HECA: variants seen among roughly 807,000 people sequenced by gnomAD.
HECA encodes HECA ribonucleoprotein granule regulator, also known as headcase protein homolog.
Under a neutral mutation model 37.6 loss-of-function variants are expected in HECA, and 13 were observed. The observed-to-expected ratio is 0.35, with a 90% CI of 0.23 to 0.55. The LOEUF is 0.55. Ranked by LOEUF, HECA falls within the 20% of genes least tolerant of loss-of-function variation. The pLI, the probability that HECA is intolerant of heterozygous loss-of-function variation, is 0.90. For synonymous variants in HECA, 307 were observed against 291.5 expected (o/e 1.05, Z -0.54); for missense variants, 527 against 701.9 (o/e 0.75, Z 2.82).
intron 1 of HECA, chr6:139,155,682 A>G (rs1774702642): frequency 6.6e-6 from 1 of 152,198 alleles, no homozygotes; most frequent in Non-Finnish European, 1.5e-5. Flanking sequence ...CATTTCCTTC[A>G]GAGCATATTA....
In HECA at chr6:139,135,788, G is replaced by A. The variant is rs1002986894; in HGVS notation, c.271+121G>A. 23 of 293,400 alleles carry A rather than the reference G, an allele frequency of 7.8e-5. No individual in the cohort carries two copies. In the East Asian group the frequency reaches 3.7e-3, roughly 47 times the overall value. 18.2% of individuals were successfully genotyped at this position (293,400 alleles called of 1,614,324 possible). A position where few individuals can be genotyped will look rare whatever the true frequency, so the allele number is the denominator to read the frequency against. ...GCGAGAGTCAGGAAGTGCTCACCCCGCCCCTCCGCCCCGCCGCGGCTGCCC... is the reference window on the plus strand; with the variant it reads ...GCGAGAGTCAGGAAGTGCTCACCCCACCCCTCCGCCCCGCCGCGGCTGCCC... On this transcript the variant is annotated intron_variant, in intron 1 of 3. Coordinates refer to ENST00000367658, the MANE Select transcript of HECA (RefSeq NM_016217.3).
intron 1 of HECA, among the ~76,000 whole-genome samples, chr6:139,161,673 A>G (rs1384558795): frequency 6.6e-6 from 1 of 152,214 alleles, no homozygotes; most frequent in East Asian, 1.9e-4. Flanking sequence ...AAGAAATATC[A>G]AGTCAGTCTC....
At chr6:139,169,495 CAG>C (rs1305933057) in intron 2 of HECA, 1 of 152,190 alleles carries the variant, frequency 6.6e-6, no homozygotes, top group Non-Finnish European at 1.5e-5. Context: ...GCTGAAATTG[CAG>C]AGAGTAGTCT....
chr6:139,153,702 A>C (rs1774680472), intron 1 of HECA, among the ~76,000 whole-genome samples: 3 of 152,086 alleles, frequency 2.0e-5, no homozygotes, highest in Admixed American at 1.3e-4. Context: ...TACAGGTGGG[A>C]GCCACCGCAC....
At position 139,172,279 on chromosome 6, in the gene HECA, T is replaced by A. The variant is rs550230166; in HGVS notation, c.1313-2106T>A. Among the ~76,000 whole-genome samples the A allele has an allele frequency of 1.4e-3, 213 of 152,324 alleles. 7 individuals carry two copies. In the South Asian group the frequency reaches 0.042, roughly 30 times the overall value. On this transcript the variant is annotated intron_variant, in intron 2 of 3. Coordinates refer to ENST00000367658, the MANE Select transcript of HECA (RefSeq NM_016217.3). Reference sequence around the variant, plus strand: ...GTGCCTAGCCTGATCATGTGTTTTTTAAAGCATTTTCAACTCCAATAGAAG... The same window carrying A: ...GTGCCTAGCCTGATCATGTGTTTTTAAAAGCATTTTCAACTCCAATAGAAG...
Position 139,176,839 on chromosome 6 carries a change from T to C in HECA, c.1468-102T>C, listed in dbSNP as rs1775058378. 1 of 711,106 alleles carries C rather than the reference T, an allele frequency of 1.4e-6. No individual in the cohort carries two copies. Among genetic ancestry groups the C allele is most frequent in the Non-Finnish European group, 2.5e-6 (1 of 407,462 alleles). 44.0% of individuals were successfully genotyped at this position (711,106 alleles called of 1,614,324 possible). ...GTTTTTGGTAGTAAAAGGGATGCTT[T>C]GCAAAGCCCTTGATCAGTTTCCCAG... On this transcript the variant is annotated intron_variant, in intron 3 of 3. Coordinates refer to ENST00000367658, the MANE Select transcript of HECA (RefSeq NM_016217.3). This position sits in a 1 kb window ranked among gnomAD's most constrained non-coding sequence, Gnocchi z 4.5.
At chr6:139,163,010 C>T (rs1368139560) in intron 1 of HECA, among the ~76,000 whole-genome samples, 8 of 152,224 alleles carry the variant, frequency 5.3e-5, no homozygotes, top group Non-Finnish European at 1.0e-4. Flanking sequence ...CTTTTCACCT[C>T]ACTGTCTACC....
At chr6:139,153,885 G>C (rs1370058880) in intron 1 of HECA, among the ~76,000 whole-genome samples, 2 of 151,860 alleles carry the variant, frequency 1.3e-5, no homozygotes, top group Non-Finnish European at 2.9e-5. Flanking sequence ...TTTTTATTAA[G>C]ATGGACTTCT....
intron 1 of HECA, among the ~76,000 whole-genome samples, chr6:139,149,856 C>T (rs1774630786): frequency 6.6e-6 from 1 of 152,150 alleles, no homozygotes; most frequent in South Asian, 2.1e-4. Context: ...GCATAGCTGA[C>T]TTTGGGATTC....
Position 139,161,573 on chromosome 6 carries a change from T to C in HECA, c.272-4711T>C, listed in dbSNP as rs535416119. 3.9e-5 allele frequency among the ~76,000 whole-genome samples: 6 copies of C among 152,356 alleles called. No homozygotes were observed. In the South Asian group the frequency reaches 1.2e-3, roughly 32 times the overall value. ...CCTGGCATGTAGGAAGTGCTCAGTA[T>C]TGGTTAAATGAAATATTTGCTGCTT... is the stretch of plus-strand genomic sequence containing the variant. On this transcript the variant is annotated intron_variant, in intron 1 of 3. Coordinates refer to ENST00000367658, the MANE Select transcript of HECA (RefSeq NM_016217.3).
rs921031049 is a variant in HECA, at chr6:139,179,802, A to G, written c.*2697A>G. 2 of 152,236 alleles carry G rather than the reference A, an allele frequency of 1.3e-5. No homozygotes were observed. Among genetic ancestry groups the G allele is most frequent in the African/African-American group, 4.8e-5 (2 of 41,462 alleles). The allele number at this position is 152,236 out of a possible 1,614,324, so 9.4% of individuals were successfully genotyped here. The stretch of plus-strand genomic sequence containing the variant: ...GTTGTAGTTAGGATACTAAAAGGAT[A>G]TTAGTTACCCAAGAGATCCAATTTG... On this transcript the variant is annotated 3_prime_UTR_variant, in exon 4 of 4. Transcript: ENST00000367658.
intron 1 of HECA, among the ~76,000 whole-genome samples, chr6:139,153,856 A>G (rs1448119794): frequency 6.6e-6 from 1 of 152,246 alleles, no homozygotes; most frequent in Non-Finnish European, 1.5e-5. Flanking sequence ...ATAACAAAAT[A>G]TACATATAAA....
intron 1 of HECA, among the ~76,000 whole-genome samples, chr6:139,136,314 C>G (rs2114427984): frequency 6.6e-6 from 1 of 150,616 alleles, no homozygotes; most frequent in East Asian, 1.9e-4. Context: ...AAATCATTCT[C>G]TATGTCATTG....
At chr6:139,136,436 C>T (rs548250972) in intron 1 of HECA, among the ~76,000 whole-genome samples, 8 of 152,116 alleles carry the variant, frequency 5.3e-5, no homozygotes, top group Non-Finnish European at 1.2e-4. Flanking sequence ...GTTCTCATTA[C>T]AGAGCCATGG....
intron 1 of HECA, among the ~76,000 whole-genome samples, chr6:139,153,543 C>T (rs547049513): frequency 9.2e-5 from 14 of 152,032 alleles, no homozygotes; most frequent in Admixed American, 3.3e-4. Flanking sequence ...CTGCCTCAGC[C>T]TCACGAGTAG....
intron 2 of HECA, chr6:139,170,155 T>G (rs1221273180): frequency 1.3e-5 from 2 of 152,250 alleles, no homozygotes; most frequent in African/African-American, 4.8e-5. Context: ...TTCTCCATTG[T>G]AAAACTTGAA....
intron 1 of HECA, among the ~76,000 whole-genome samples, chr6:139,160,093 C>T (rs1774775991): frequency 6.6e-6 from 1 of 152,154 alleles, no homozygotes; most frequent in Non-Finnish European, 1.5e-5. Flanking sequence ...GCCCAGGTGA[C>T]TGCAGCCTAG....
At chr6:139,149,718 C>T (rs542278245) in intron 1 of HECA, among the ~76,000 whole-genome samples, 10 of 152,282 alleles carry the variant, frequency 6.6e-5, no homozygotes, top group African/African-American at 1.9e-4. Flanking sequence ...ATTCTCCTGC[C>T]GGTCTCAGGG....
intron 1 of HECA, among the ~76,000 whole-genome samples, chr6:139,138,754 A>G (rs995851442): frequency 4.6e-5 from 7 of 152,186 alleles, no homozygotes; most frequent in African/African-American, 1.4e-4. Context: ...AATTCTTAGG[A>G]TATCATACCG....
Sources: gnomAD v4.1 joint callset for allele counts (sites outside exome capture counted in the v4.1 genomes callset) on GRCh38, gnomAD v4.1.1 for gene constraint, Gnocchi (gnomAD v3.1) non-coding constraint, MANE v1.5 for transcripts, NCBI Gene and HGNC (gene_info 2026-07-23, HGNC 2026-07-21) for gene names.